KCNJ5: variants seen among roughly 807,000 people sequenced by gnomAD.
KCNJ5 encodes G protein-activated inward rectifier potassium channel 4.
KCNJ5 carries 12 observed loss-of-function variants against 20.2 expected under a neutral mutation model. That is an observed-to-expected ratio of 0.59 (90% CI 0.38 to 0.96). The LOEUF (loss-of-function observed/expected upper bound fraction) is 0.96, where lower values mean the gene tolerates loss of function less well. Ranked by LOEUF, KCNJ5 falls within the 40% of genes least tolerant of loss-of-function variation. KCNJ5 has a pLI of 0.00. For missense variants in KCNJ5, 449 were observed against 557.6 expected (o/e 0.81, Z 1.96); for synonymous variants, 210 against 213.9 (o/e 0.98, Z 0.16).
Position 128,904,793 on chromosome 11 carries a change from C to T in KCNJ5, c.-10-6471C>T, listed in dbSNP as rs375125595. Among the ~76,000 whole-genome samples the T allele has an allele frequency of 5.9e-5, 9 of 152,252 alleles. No individual in the cohort carries two copies. The South Asian group carries it at 6.2e-4, about 11-fold the overall frequency. Reference sequence around the variant, plus strand: ...CTGAGTGAGTGAAGCCCTGTGTCAGCTTCCACTGGGATTTCACACCTACTC... The same window carrying T: ...CTGAGTGAGTGAAGCCCTGTGTCAGTTTCCACTGGGATTTCACACCTACTC... On this transcript the variant is annotated intron_variant, in intron 1 of 2. Coordinates refer to ENST00000529694, the MANE Select transcript of KCNJ5 (RefSeq NM_000890.5).
At chr11:128,894,675 G>A (rs76097649) in intron 1 of KCNJ5, among the ~76,000 whole-genome samples, 12,169 of 152,312 alleles carry the variant, frequency 0.08, 519 homozygotes, top group Middle Eastern at 0.13. Context: ...TTGTGAAGTG[G>A]CTTTCCCTGG....
At chr11:128,896,645 C>T (rs923419373) in intron 1 of KCNJ5, among the ~76,000 whole-genome samples, 1 of 151,370 alleles carries the variant, frequency 6.6e-6, no homozygotes, top group African/African-American at 2.4e-5. Flanking sequence ...TTTTTTATTG[C>T]TGAGTAGCGG....
At chr11:128,903,622 G>A (rs1944333471) in intron 1 of KCNJ5, 1 of 1,168,114 alleles carries the variant, frequency 8.6e-7, no homozygotes. Flanking sequence ...CCTTCAGAGA[G>A]TGACGGGGCA....
At chr11:128,914,332 T>C (rs558082653) in intron 2 of KCNJ5, among the ~76,000 whole-genome samples, 106 of 152,304 alleles carry the variant, frequency 7.0e-4, no homozygotes, top group Non-Finnish European at 1.2e-3. Flanking sequence ...CAGTGCTATC[T>C]GCCCCGCTGC....
chr11:128,903,607 G>T, intron 1 of KCNJ5: 1 of 1,381,262 alleles, frequency 7.2e-7, no homozygotes, highest in Non-Finnish European at 1.0e-6. Flanking sequence ...CGTTGTCCAA[G>T]CAGACCTTCA....
chr11:128,895,382 A>ACCCCCCCCCC (rs59889127), intron 1 of KCNJ5, among the ~76,000 whole-genome samples: 1 of 141,308 alleles, frequency 7.1e-6, no homozygotes, highest in African/African-American at 2.7e-5. Flanking sequence ...GTGTGCCCCC[A>ACCCCCCCCCC]CCCCCCCCCC....
intron 1 of KCNJ5, among the ~76,000 whole-genome samples, chr11:128,908,215 T>C (rs569276977): frequency 6.6e-6 from 1 of 152,360 alleles, no homozygotes; most frequent in South Asian, 2.1e-4. Context: ...TAAATTTCAA[T>C]TTGAGGAGAG....
At chr11:128,914,647 G>C (rs993768954) in intron 2 of KCNJ5, among the ~76,000 whole-genome samples, 20 of 152,354 alleles carry the variant, frequency 1.3e-4, no homozygotes, top group African/African-American at 4.8e-4. Flanking sequence ...TGTCAGCAAA[G>C]TGAGGAAAAT....
intron 2 of KCNJ5, among the ~76,000 whole-genome samples, chr11:128,912,427 G>A (rs961086263): frequency 6.6e-6 from 1 of 152,218 alleles, no homozygotes; most frequent in East Asian, 1.9e-4. Flanking sequence ...TTCAGGCACT[G>A]TCCTAAACAA....
chr11:128,896,320 T>C (rs1377060625), intron 1 of KCNJ5, among the ~76,000 whole-genome samples: 1 of 151,570 alleles, frequency 6.6e-6, no homozygotes, highest in Non-Finnish European at 1.5e-5. Flanking sequence ...CTCTCAGCGG[T>C]AATATTTTGC....
rs1944085485 is a variant in KCNJ5, at chr11:128,891,441, C to CAGAAAGAGAGAGAG, written c.-288_-287insAAGAGAGAGAGAGA. The CAGAAAGAGAGAGAG allele has an allele frequency of 3.6e-5, 2 of 54,924 alleles. No homozygotes were observed. The highest frequency in any genetic ancestry group is 1.6e-4 in the African/African-American group (2 of 12,444). The allele number at this position is 54,924 out of a possible 1,614,324, so 3.4% of individuals were successfully genotyped here. The stretch of plus-strand genomic sequence containing the variant: ...ACACACACACACACACACACACACA[C>CAGAAAGAGAGAGAG]AGAGAGAGAGAGAGAGAGAGAGAGA... On this transcript the variant is annotated 5_prime_UTR_variant, in exon 1 of 3. Transcript: ENST00000529694.
chr11:128,904,376 A>C lies in KCNJ5; in HGVS notation c.-10-6888A>C, dbSNP rs528801524. 30 of 1,608,894 alleles carry C rather than the reference A, an allele frequency of 1.9e-5. 1 individual carries two copies. In the South Asian group the frequency reaches 3.3e-4, roughly 18 times the overall value. On this transcript the variant is annotated intron_variant, in intron 1 of 2. Coordinates refer to ENST00000529694, the MANE Select transcript of KCNJ5 (RefSeq NM_000890.5). ...TTTTTTTGCCTGTGTACTCCCCACC[A>C]GACCAGGAACTCCTTGCGGACAGAG...
At chr11:128,916,266 A>ATGGT in intron 2 of KCNJ5, 143 bp from the exon 3 acceptor site, 1 of 691,574 alleles carries the variant, frequency 1.4e-6, no homozygotes, top group African/African-American at 1.8e-5. Context: ...GGATGGATGG[A>ATGGT]TGGATGGATG....
In KCNJ5 at chr11:128,918,982, C is replaced by T. The variant is rs932592703; in HGVS notation, c.*2251C>T. 9.9e-5 allele frequency: 15 copies of T among 151,762 alleles called. No individual in the cohort carries two copies. Among genetic ancestry groups the T allele is most frequent in the Admixed American group, 6.6e-5 (1 of 15,240 alleles). 9.4% of individuals were successfully genotyped at this position (151,762 alleles called of 1,614,324 possible). A position where few individuals can be genotyped will look rare whatever the true frequency, so the allele number is the denominator to read the frequency against. On this transcript the variant is annotated 3_prime_UTR_variant, in exon 3 of 3. Transcript: ENST00000529694. ...CAGGAGTCTCAGAAAGGCAGCCCAT[C>T]ACTAAGGCTGGATGCCTTTCAGCAG...
chr11:128,904,929 C>G (rs994255306), intron 1 of KCNJ5, among the ~76,000 whole-genome samples: 2 of 152,190 alleles, frequency 1.3e-5, no homozygotes, highest in Non-Finnish European at 2.9e-5. Context: ...CAAAATGGTG[C>G]GGTTTTTAAA....
At chr11:128,897,479 T>G (rs1391377376) in intron 1 of KCNJ5, among the ~76,000 whole-genome samples, 5 of 152,188 alleles carry the variant, frequency 3.3e-5, no homozygotes, top group Non-Finnish European at 5.9e-5. Context: ...TTGCCCATTT[T>G]CTAATTTGAT....
In KCNJ5 at chr11:128,913,605, A is replaced by G. The variant is rs927117235; in HGVS notation, c.937+1395A>G. On this transcript the variant is annotated intron_variant, in intron 2 of 2. Coordinates refer to ENST00000529694, the MANE Select transcript of KCNJ5 (RefSeq NM_000890.5). ...CTCTTTTTTTTTTCAACCAGGTACA[A>G]TGAGCAGCTGGTCAGGCCCTAAGGA... Among the ~76,000 whole-genome samples, 11 of 150,300 alleles carry G rather than the reference A, an allele frequency of 7.3e-5. No homozygotes were observed. In the East Asian group the frequency reaches 2.2e-3, roughly 29 times the overall value.
At chr11:128,913,557 C>T (rs1591451808) in intron 2 of KCNJ5, among the ~76,000 whole-genome samples, 1 of 138,020 alleles carries the variant, frequency 7.2e-6, no homozygotes, top group Non-Finnish European at 1.5e-5. Flanking sequence ...ATTTCTTCCT[C>T]GTGCCTTCCT....
chr11:128,907,882 G>A (rs1442635182), intron 1 of KCNJ5, among the ~76,000 whole-genome samples: 2 of 152,178 alleles, frequency 1.3e-5, no homozygotes, highest in African/African-American at 2.4e-5. Flanking sequence ...CTAGCACAGG[G>A]GTTTGGCTAT....
Sources: allele counts gnomAD v4.1 joint callset (sites outside exome capture counted in the v4.1 genomes callset), GRCh38; gene constraint gnomAD v4.1.1; transcripts MANE v1.5; gene names NCBI Gene and HGNC (gene_info 2026-07-23, HGNC 2026-07-21).